The following DPP6 variants were observed in gnomAD, a reference collection of about 807,000 sequenced individuals.
The protein encoded by DPP6 is A-type potassium channel modulatory protein DPP6.
A neutral mutation model predicts 122.6 loss-of-function variants in DPP6; 69 were observed. The ratio of observed to expected loss-of-function variants is 0.56; its 90% CI spans 0.46 to 0.69. The LOEUF (loss-of-function observed/expected upper bound fraction) is 0.69, where lower values mean the gene tolerates loss of function less well. DPP6 is among the 30% of genes least tolerant of loss of function. The pLI is 0.00. For missense variants in DPP6, 928 were observed against 1,116.9 expected (o/e 0.83, Z 2.41); for synonymous variants, 418 against 433.1 (o/e 0.97, Z 0.43).
intron 1 of DPP6, among the ~76,000 whole-genome samples, chr7:154,366,663 G>A (rs540107420): frequency 6.6e-6 from 1 of 152,340 alleles, no homozygotes; most frequent in East Asian, 1.9e-4. Context: ...TAGGTTGAAT[G>A]ACATCAGCAG....
chr7:154,187,167 G>A (rs750010072), intron 1 of DPP6, among the ~76,000 whole-genome samples: 5 of 152,316 alleles, frequency 3.3e-5, no homozygotes, highest in Admixed American at 6.5e-5. Context: ...TTGGGTACTC[G>A]TATGAAATGG....
intron 17 of DPP6, among the ~76,000 whole-genome samples, chr7:154,867,762 C>A (rs572407531): frequency 2.6e-5 from 4 of 152,270 alleles, no homozygotes; most frequent in South Asian, 4.1e-4. Context: ...AAGCCTAAGA[C>A]GGTGGGGAGA....
chr7:153,837,377 G>A, the DPP6 span, among the ~76,000 whole-genome samples: 3 of 152,116 alleles, frequency 2.0e-5, no homozygotes, highest in African/African-American at 7.2e-5. Context: ...AATTCTGCAA[G>A]GCAGATGTTC....
intron 1 of DPP6, among the ~76,000 whole-genome samples, chr7:153,900,463 CA>C (rs1366820303): frequency 2.6e-5 from 4 of 152,190 alleles, no homozygotes; most frequent in African/African-American, 9.6e-5. Context: ...GTGAAGTCCT[CA>C]AGCTGTTTCC....
chr7:154,460,830 G>T (rs1293969923), intron 2 of DPP6, among the ~76,000 whole-genome samples: 1 of 152,058 alleles, frequency 6.6e-6, no homozygotes. Context: ...TTAAGCATTT[G>T]TCCTTTCTTT....
rs1425423860 is a variant in DPP6, at chr7:154,265,103, A to ACGATGG, written c.244-181111_244-181110insCGATGG. On this transcript the variant is annotated intron_variant, in intron 1 of 25. Coordinates refer to ENST00000377770, the MANE Select transcript of DPP6 (RefSeq NM_130797.4). Reference sequence around the variant, plus strand: ...GATGATGGTGATGATGATGGTGATGATAATGATAGTGATAGTGATGATGGT... The same window carrying ACGATGG: ...GATGATGGTGATGATGATGGTGATGACGATGGTAATGATAGTGATAGTGATGATGGT... Among the ~76,000 whole-genome samples the ACGATGG allele has an allele frequency of 9.2e-4, 138 of 149,832 alleles. 2 individuals carry two copies. Among genetic ancestry groups the ACGATGG allele is most frequent in the African/African-American group, 3.3e-3 (133 of 39,794 alleles).
chr7:153,999,988 A>ACCCCC (rs1378252213), intron 1 of DPP6, among the ~76,000 whole-genome samples: 198 of 152,276 alleles, frequency 1.3e-3, no homozygotes, highest in South Asian at 2.9e-3. Flanking sequence ...AAGAAAAAAA[A>ACCCCC]AACTCAAGCT....
At chr7:154,126,938 C>T (rs896645032) in intron 1 of DPP6, among the ~76,000 whole-genome samples, 1 of 152,162 alleles carries the variant, frequency 6.6e-6, no homozygotes, top group South Asian at 2.1e-4. Flanking sequence ...CCCCAAGCCA[C>T]CATAACACTT....
intron 1 of DPP6, among the ~76,000 whole-genome samples, chr7:154,147,699 A>ACACACACACACAC (rs1243502441): frequency 5.7e-5 from 8 of 140,982 alleles, no homozygotes; most frequent in African/African-American, 2.5e-4. Flanking sequence ...TACACACACA[A>ACACACACACACAC]ACACATACCT....
chr7:154,413,844 T>C (rs1816809091), intron 1 of DPP6, among the ~76,000 whole-genome samples: 3 of 152,200 alleles, frequency 2.0e-5, no homozygotes, highest in Admixed American at 1.3e-4. Flanking sequence ...TGAATGATAA[T>C]GAGTCAAATA....
intron 1 of DPP6, among the ~76,000 whole-genome samples, chr7:154,381,693 C>A (rs535803021): frequency 1.2e-3 from 183 of 152,288 alleles, no homozygotes; most frequent in African/African-American, 4.3e-3. Flanking sequence ...AATTATAGAA[C>A]AGGGTTAGGA....
intron 5 of DPP6, chr7:154,587,197 G>A (rs1253750364): frequency 9.8e-6 from 2 of 203,746 alleles, no homozygotes; most frequent in Admixed American, 5.3e-5. Context: ...TCTGCACTCA[G>A]TCCTGCTGCA....
chr7:154,021,635 C>G (rs1179181719), intron 1 of DPP6, among the ~76,000 whole-genome samples: 1 of 152,130 alleles, frequency 6.6e-6, no homozygotes, highest in African/African-American at 2.4e-5. Context: ...AGTGAAGGAC[C>G]ACCATTTCCC....
chr7:154,454,749 C>T (rs1285251453), intron 2 of DPP6, among the ~76,000 whole-genome samples: 1 of 152,140 alleles, frequency 6.6e-6, no homozygotes, highest in Non-Finnish European at 1.5e-5. Flanking sequence ...CTGATGAAAA[C>T]TGTAAGTCAT....
chr7:154,021,944 T>C (rs1222476343), intron 1 of DPP6, among the ~76,000 whole-genome samples: 1 of 152,176 alleles, frequency 6.6e-6, no homozygotes, highest in Admixed American at 6.5e-5. Flanking sequence ...CTACCAGCTA[T>C]CTGGGCATCC....
intron 1 of DPP6, among the ~76,000 whole-genome samples, chr7:154,144,045 A>G (rs955534070): frequency 6.6e-6 from 1 of 151,516 alleles, no homozygotes; most frequent in African/African-American, 2.4e-5. Flanking sequence ...ATCTGTTCTA[A>G]TCAGACATTC....
intron 7 of DPP6, among the ~76,000 whole-genome samples, chr7:154,710,278 C>T (rs1283391243): frequency 1.3e-5 from 2 of 152,224 alleles, no homozygotes; most frequent in Non-Finnish European, 2.9e-5. Context: ...CTGTAACTCC[C>T]TCCCAGTACT....
chr7:154,386,080 TTCCA>T (rs2151154260), intron 1 of DPP6, among the ~76,000 whole-genome samples: 1 of 152,328 alleles, frequency 6.6e-6, no homozygotes, highest in African/African-American at 2.4e-5. Flanking sequence ...AGATTCCTCT[TTCCA>T]TTTCTGTGGC....
At chr7:153,893,560 A>T (rs1799293182) in intron 1 of DPP6, among the ~76,000 whole-genome samples, 1 of 152,264 alleles carries the variant, frequency 6.6e-6, no homozygotes, top group Non-Finnish European at 1.5e-5. Context: ...GTCCTAATAC[A>T]TCAGGTAACA....
Sources: allele counts gnomAD v4.1 joint callset (sites outside exome capture counted in the v4.1 genomes callset), GRCh38; gene constraint gnomAD v4.1.1; transcripts MANE v1.5; gene names NCBI Gene and HGNC (gene_info 2026-07-23, HGNC 2026-07-21).